The following PPM1H variants were observed in gnomAD, a reference collection of about 807,000 sequenced individuals.
PPM1H encodes protein phosphatase, Mg2+/Mn2+ dependent 1H.
A neutral mutation model predicts 54.9 loss-of-function variants in PPM1H; 27 were observed. The observed-to-expected ratio is 0.49, with a 90% CI of 0.36 to 0.68. The LOEUF (loss-of-function observed/expected upper bound fraction) is 0.68. Among genes scored for constraint, PPM1H ranks in the 30% least tolerant of loss-of-function variants. The pLI is 0.00. For missense variants in PPM1H, 596 were observed against 667.8 expected (o/e 0.89, Z 1.19); for synonymous variants, 305 against 270.8 (o/e 1.13, Z -1.24).
chr12:62,667,462 G>A, intron 8 of PPM1H, 133 bp from the exon 9 acceptor site: 1 of 787,992 alleles, frequency 1.3e-6, no homozygotes, highest in Non-Finnish European at 1.9e-6. Flanking sequence ...TAGGGTACTT[G>A]ATTATACAGC....
At chr12:62,849,095 G>A (rs1054310228) in intron 1 of PPM1H, among the ~76,000 whole-genome samples, 1 of 152,110 alleles carries the variant, frequency 6.6e-6, no homozygotes, top group Non-Finnish European at 1.5e-5. Context: ...GGTGGGAGAG[G>A]GCAGGGGACA....
At chr12:62,739,208 T>G (rs2076367962) in intron 4 of PPM1H, among the ~76,000 whole-genome samples, 1 of 152,158 alleles carries the variant, frequency 6.6e-6, no homozygotes, top group Non-Finnish European at 1.5e-5. Flanking sequence ...AAGTTAAAGA[T>G]TCCTTCTTAT....
At chr12:62,668,775 A>T (rs138148653) in intron 8 of PPM1H, among the ~76,000 whole-genome samples, 2 of 152,344 alleles carry the variant, frequency 1.3e-5, no homozygotes, top group Non-Finnish European at 2.9e-5. Flanking sequence ...AGATCTAGAG[A>T]CAATCATATC....
At chr12:62,741,456 G>A (rs2076380416) in intron 4 of PPM1H, among the ~76,000 whole-genome samples, 1 of 152,186 alleles carries the variant, frequency 6.6e-6, no homozygotes, top group African/African-American at 2.4e-5. Context: ...CCCTGTGATG[G>A]CTTCCCAGCT....
chr12:62,805,029 T>A (rs2076798491), intron 2 of PPM1H, among the ~76,000 whole-genome samples: 1 of 152,222 alleles, frequency 6.6e-6, no homozygotes, highest in Non-Finnish European at 1.5e-5. Context: ...AAAATCTTTT[T>A]GTTTTTTATT....
At chr12:62,718,608 C>T (rs928033979) in intron 6 of PPM1H, among the ~76,000 whole-genome samples, 4 of 152,138 alleles carry the variant, frequency 2.6e-5, no homozygotes, top group African/African-American at 9.7e-5. Context: ...ATGTTCCTTG[C>T]TGTCTTTTAG....
intron 4 of PPM1H, chr12:62,756,271 G>A (rs1232683814): frequency 3.0e-6 from 2 of 665,340 alleles, no homozygotes; most frequent in Non-Finnish European, 5.5e-6. Context: ...AGCGAGAGAG[G>A]AAGAGAGAGG....
chr12:62,819,073 C>T (rs1030661810), intron 2 of PPM1H, among the ~76,000 whole-genome samples: 9 of 151,228 alleles, frequency 6.0e-5, no homozygotes, highest in South Asian at 2.1e-4. Context: ...CACCTTGCCT[C>T]GGCCTCCAAA....
chr12:62,863,894 G>C, intron 1 of PPM1H, among the ~76,000 whole-genome samples: 1 of 152,140 alleles, frequency 6.6e-6, no homozygotes, highest in East Asian at 1.9e-4. Context: ...CATTATCGAG[G>C]CTCTTGATAA....
chr12:62,909,876 G>A (rs1871404216), intron 1 of PPM1H, among the ~76,000 whole-genome samples: 1 of 152,222 alleles, frequency 6.6e-6, no homozygotes, highest in Admixed American at 6.5e-5. Context: ...ATTAAAGCAA[G>A]TCAGTAGTGT....
intron 4 of PPM1H, among the ~76,000 whole-genome samples, chr12:62,741,440 C>T (rs924902455): frequency 6.6e-6 from 1 of 152,192 alleles, no homozygotes; most frequent in African/African-American, 2.4e-5. Context: ...CATGTCTTAC[C>T]GAAAGCCCTG....
chr12:62,741,860 G>T (rs2076382839), intron 4 of PPM1H, among the ~76,000 whole-genome samples: 1 of 152,126 alleles, frequency 6.6e-6, no homozygotes, highest in African/African-American at 2.4e-5. Context: ...TTGAGTGGAG[G>T]AACAGAAGAA....
At chr12:62,861,568 T>C (rs758309942) in intron 1 of PPM1H, among the ~76,000 whole-genome samples, 5 of 152,220 alleles carry the variant, frequency 3.3e-5, no homozygotes, top group Non-Finnish European at 7.3e-5. Context: ...CTTTGTATAT[T>C]CAAATACATG....
intron 1 of PPM1H, among the ~76,000 whole-genome samples, chr12:62,880,896 T>G (rs2121042857): frequency 6.6e-6 from 1 of 152,254 alleles, no homozygotes; most frequent in African/African-American, 2.4e-5. Context: ...CCATCCTCTG[T>G]GTCTGCAGCC....
intron 8 of PPM1H, among the ~76,000 whole-genome samples, chr12:62,681,215 A>G (rs960534012): frequency 6.6e-6 from 1 of 152,190 alleles, no homozygotes; most frequent in East Asian, 1.9e-4. Flanking sequence ...GCAAAAAAGC[A>G]TATTTTTTCC....
chr12:62,692,974 G>C (rs1302023788), intron 7 of PPM1H, among the ~76,000 whole-genome samples: 1 of 124,442 alleles, frequency 8.0e-6, no homozygotes, highest in Non-Finnish European at 1.6e-5. Context: ...CTCTGCCCAT[G>C]GAAGGCATCC....
chr12:62,781,764 G>A (rs2076644089), intron 4 of PPM1H, among the ~76,000 whole-genome samples: 1 of 152,338 alleles, frequency 6.6e-6, no homozygotes, highest in Non-Finnish European at 1.5e-5. Flanking sequence ...CCTCTCGGGT[G>A]CCCTCTGTGT....
Position 62,645,962 on chromosome 12 carries a change from A to G in PPM1H, c.*2527T>C, listed in dbSNP as rs1264784951. The G allele has an allele frequency of 6.6e-6, 1 of 152,212 alleles. No individual in the cohort carries two copies. The highest frequency in any genetic ancestry group is 2.4e-5 in the African/African-American group (1 of 41,452). The allele number at this position is 152,212 out of a possible 1,614,324, so 9.4% of individuals were successfully genotyped here. A position where few individuals can be genotyped will look rare whatever the true frequency, so the allele number is the denominator to read the frequency against. On this transcript the variant is annotated 3_prime_UTR_variant, in exon 10 of 10. Coordinates refer to ENST00000228705, the MANE Select transcript of PPM1H (RefSeq NM_020700.2). ...CTGGGTGACATGGGGCCTGGGTAAA[A>G]AAATAAGGCCAAAACTGAGTAAGCT...
At chr12:62,929,604 A>G (rs1029418272) in intron 1 of PPM1H, among the ~76,000 whole-genome samples, 4 of 152,174 alleles carry the variant, frequency 2.6e-5, no homozygotes, top group Admixed American at 6.5e-5. Flanking sequence ...ACTGAAACAT[A>G]TAGTAAACAC....
Sources: gnomAD v4.1 joint callset for allele counts (sites outside exome capture counted in the v4.1 genomes callset) on GRCh38, gnomAD v4.1.1 for gene constraint, MANE v1.5 for transcripts, NCBI Gene and HGNC (gene_info 2026-07-23, HGNC 2026-07-21) for gene names.